Variants in DPY19L3 observed in about 807,000 individuals in gnomAD.
DPY19L3 encodes the protein dpy-19 like C-mannosyltransferase 3.
In DPY19L3, 51 loss-of-function variants were observed where a neutral mutation model predicts 92.3. The ratio of observed to expected loss-of-function variants is 0.55; its 90% confidence interval spans 0.44 to 0.70. DPY19L3 has a LOEUF of 0.70. Ranked by LOEUF, DPY19L3 falls within the 30% of genes least tolerant of loss-of-function variation. The pLI is 0.00. For missense variants in DPY19L3, 706 were observed against 855.9 expected (o/e 0.82, Z 2.18); for synonymous variants, 309 against 315.2 (o/e 0.98, Z 0.21).
chr19:32,420,448 T>G (rs571230629), intron 3 of DPY19L3, among the ~76,000 whole-genome samples: 1 of 151,276 alleles, frequency 6.6e-6, no homozygotes, highest in African/African-American at 2.4e-5. Context: ...GTTTTGTTTT[T>G]TTTTGTTGTT....
chr19:32,438,663 T>C (rs908459720), intron 6 of DPY19L3, among the ~76,000 whole-genome samples: 2 of 152,148 alleles, frequency 1.3e-5, no homozygotes, highest in Admixed American at 1.3e-4. Flanking sequence ...ACTTGCCCTG[T>C]TGGGATTCAC....
intron 10 of DPY19L3, among the ~76,000 whole-genome samples, chr19:32,455,709 T>C (rs1969842044): frequency 6.6e-6 from 1 of 152,246 alleles, no homozygotes; most frequent in South Asian, 2.1e-4. Context: ...ACAACTCATT[T>C]GGTAACGTAG....
At chr19:32,445,734 C>T (rs935166364) in intron 8 of DPY19L3, among the ~76,000 whole-genome samples, 5 of 152,110 alleles carry the variant, frequency 3.3e-5, no homozygotes, top group African/African-American at 1.2e-4. Flanking sequence ...GGCGTCGTGG[C>T]TCACACCTGT....
intron 14 of DPY19L3, among the ~76,000 whole-genome samples, 182 bp downstream of exon 14, chr19:32,464,162 T>C (rs1381517584): frequency 1.3e-5 from 2 of 152,090 alleles, no homozygotes; most frequent in East Asian, 3.8e-4. Flanking sequence ...TTTTAAAAAA[T>C]TACTTTTTTC....
At chr19:32,450,347 T>C (rs1323788508) in intron 8 of DPY19L3, among the ~76,000 whole-genome samples, 5 of 152,178 alleles carry the variant, frequency 3.3e-5, no homozygotes, top group Non-Finnish European at 1.5e-5. Context: ...GATTTTAATA[T>C]AGAGTTACCA....
intron 12 of DPY19L3, among the ~76,000 whole-genome samples, chr19:32,459,298 A>G (rs1408191875): frequency 3.3e-5 from 5 of 152,186 alleles, no homozygotes; most frequent in Non-Finnish European, 5.9e-5. Context: ...AAGTGTAAGA[A>G]GTTGAAGCTG....
chr19:32,479,833 G>A (rs551872783), intron 17 of DPY19L3, among the ~76,000 whole-genome samples: 61 of 152,332 alleles, frequency 4.0e-4, no homozygotes, highest in Admixed American at 9.1e-4. Context: ...GGATGGACGA[G>A]AGGGAGAGGA....
intron 9 of DPY19L3, among the ~76,000 whole-genome samples, 160 bp from the exon 10 acceptor site, chr19:32,454,779 A>C (rs548989834): frequency 4.6e-5 from 7 of 152,302 alleles, no homozygotes; most frequent in African/African-American, 1.7e-4. Flanking sequence ...ATATTAAGAC[A>C]GTGTAACCTC....
At position 32,482,170 on chromosome 19, in the gene DPY19L3, A is replaced by T. The variant is rs1415927392; in HGVS notation, c.2081A>T (p.Tyr694Phe). ...GAGATCAAAAGAAACCTGCCTCCCT[A>T]CGTGGCCTACTTCACCAGAGTGTTC... is the stretch of plus-strand genomic sequence containing the variant. ...CEEIKRNLPP[Y>F]VAYFTRVFQN... The change falls in exon 19 of 19, where the codon TAC becomes TTC. Residue 694 changes from tyrosine to phenylalanine, a missense_variant. Physicochemically the swap from Tyr to Phe is conservative, Grantham distance 22. Transcript: ENST00000392250. 1.2e-6 allele frequency: 2 copies of T among 1,613,730 alleles called. No individual in the cohort carries two copies. Among genetic ancestry groups the T allele is most frequent in the African/African-American group, 2.7e-5 (2 of 74,896 alleles).
At chr19:32,407,804 G>A (rs547460002) in intron 1 of DPY19L3, among the ~76,000 whole-genome samples, 10 of 152,290 alleles carry the variant, frequency 6.6e-5, no homozygotes, top group African/African-American at 2.4e-4. Context: ...TGGCAAGATC[G>A]AGGGCAGGCT....
chr19:32,458,714 A>G (rs997586995), intron 12 of DPY19L3, among the ~76,000 whole-genome samples: 1 of 152,192 alleles, frequency 6.6e-6, no homozygotes, highest in South Asian at 2.1e-4. Context: ...GTCTGGGCTT[A>G]AGTCTTGGCC....
chr19:32,425,757 A>G (rs1008801448), intron 3 of DPY19L3, among the ~76,000 whole-genome samples: 1 of 152,188 alleles, frequency 6.6e-6, no homozygotes, highest in African/African-American at 2.4e-5. Flanking sequence ...CGTGCTGTCA[A>G]CACATGGGCT....
chr19:32,436,310 G>GTT, intron 4 of DPY19L3, 136 bp from the exon 5 acceptor site: 1 of 481,518 alleles, frequency 2.1e-6, no homozygotes, highest in Non-Finnish European at 3.3e-6. Context: ...GCAGGAGTAT[G>GTT]TTTTTTTTGC....
chr19:32,451,994 C>T (rs1568346642), intron 8 of DPY19L3, among the ~76,000 whole-genome samples: 1 of 152,136 alleles, frequency 6.6e-6, no homozygotes, highest in South Asian at 2.1e-4. Flanking sequence ...CTACACCTGG[C>T]TAGTGTTTTA....
chr19:32,475,872 CAT>C (rs1323564240), intron 16 of DPY19L3, among the ~76,000 whole-genome samples: 5 of 152,194 alleles, frequency 3.3e-5, no homozygotes, highest in Non-Finnish European at 5.9e-5. Context: ...CAGCCAAGCT[CAT>C]GTGAAACTTT....
At chr19:32,440,929 C>G (rs1360997649) in intron 8 of DPY19L3, among the ~76,000 whole-genome samples, 1 of 151,450 alleles carries the variant, frequency 6.6e-6, no homozygotes, top group Non-Finnish European at 1.5e-5. Flanking sequence ...GGTGGGATGT[C>G]AGGGGTGGGG....
intron 18 of DPY19L3, chr19:32,481,008 G>A: frequency 2.6e-6 from 1 of 381,724 alleles, no homozygotes; most frequent in East Asian, 3.8e-5. Flanking sequence ...CTCTCCTACT[G>A]AGTGTCCTGT....
At chr19:32,430,710 G>A (rs1599612432) in intron 3 of DPY19L3, among the ~76,000 whole-genome samples, 1 of 151,638 alleles carries the variant, frequency 6.6e-6, no homozygotes, top group African/African-American at 2.4e-5. Context: ...CAGCCTCCCA[G>A]TAGGCTGAGT....
chr19:32,468,184 C>G, intron 15 of DPY19L3: 4 of 920,638 alleles, frequency 4.3e-6, no homozygotes, highest in Non-Finnish European at 5.2e-6. Flanking sequence ...TTCCACACTT[C>G]TAAATGAAAA....
Sources: allele counts gnomAD v4.1 joint callset (sites outside exome capture counted in the v4.1 genomes callset), GRCh38; gene constraint gnomAD v4.1.1; transcripts MANE v1.5; gene names NCBI Gene and HGNC (gene_info 2026-07-23, HGNC 2026-07-21).